The following ZNF254 variants were observed in gnomAD, a reference collection of about 807,000 sequenced individuals.
The protein encoded by ZNF254 is zinc finger protein 254.
A neutral mutation model predicts 12.4 loss-of-function variants in ZNF254; 10 were observed. The ratio of observed to expected loss-of-function variants is 0.80; its 90% CI spans 0.50 to 1.36. The LOEUF is 1.36. ZNF254 is among the 40% of genes most tolerant of loss of function. The probability of loss-of-function intolerance (pLI) is 0.00; values close to 1 mark genes in which losing one functional copy is unlikely to be tolerated. For synonymous variants in ZNF254, 305 were observed against 253.4 expected (o/e 1.20, Z -1.93); for missense variants, 996 against 763.9 (o/e 1.30, Z -3.58).
At chr19:24,126,071 A>G (rs1051558148) in intron 3 of ZNF254, among the ~76,000 whole-genome samples, 183 bp from the exon 4 acceptor site, 2 of 152,152 alleles carry the variant, frequency 1.3e-5, no homozygotes, top group East Asian at 3.9e-4. Context: ...TGAATTTTCC[A>G]CAGATGTATT....
intron 1 of ZNF254, among the ~76,000 whole-genome samples, chr19:24,040,668 C>T (rs1340103740): frequency 2.0e-5 from 3 of 152,178 alleles, no homozygotes; most frequent in Non-Finnish European, 4.4e-5. Context: ...TTTCCCAGCA[C>T]AGCACATTAC....
chr19:24,053,583 T>G (rs1256911204), intron 2 of ZNF254, among the ~76,000 whole-genome samples: 2 of 152,118 alleles, frequency 1.3e-5, no homozygotes, highest in African/African-American at 4.8e-5. Context: ...ATGACTTTCC[T>G]CTACTTCCTA....
intron 3 of ZNF254, among the ~76,000 whole-genome samples, chr19:24,108,620 G>T (rs999374644): frequency 2.6e-5 from 4 of 152,154 alleles, no homozygotes; most frequent in Admixed American, 1.3e-4. Flanking sequence ...GAACCATGAT[G>T]CCTGGTTCTC....
intron 2 of ZNF254, chr19:24,079,310 G>A (rs1022349355): frequency 5.9e-5 from 9 of 152,162 alleles, no homozygotes; most frequent in African/African-American, 2.2e-4. Flanking sequence ...CAGATGTGTT[G>A]GTCTTTTTTC....
intron 3 of ZNF254, among the ~76,000 whole-genome samples, chr19:24,124,108 C>T (rs978530841): frequency 7.3e-4 from 110 of 151,496 alleles, no homozygotes; most frequent in African/African-American, 2.5e-3. Flanking sequence ...TATTGATAGG[C>T]TTTGACTTAT....
In ZNF254 at chr19:24,121,396, GA is replaced by G. The variant is rs1396500066; in HGVS notation, c.254-4857del. On this transcript the variant is annotated intron_variant, in intron 3 of 3. Coordinates refer to ENST00000357002, the MANE Select transcript of ZNF254 (RefSeq NM_203282.4). ...TTCTAGCATATGCCACCATACATCTGATATTTGTGTTTTGATTTTTTAGTAT... is the reference window on the plus strand; with the variant it reads ...TTCTAGCATATGCCACCATACATCTGTATTTGTGTTTTGATTTTTTAGTAT... 3.3e-5 allele frequency among the ~76,000 whole-genome samples: 5 copies of G among 152,040 alleles called. No individual in the cohort carries two copies. In the East Asian group the frequency reaches 9.7e-4, roughly 29 times the overall value.
chr19:24,052,527 G>A (rs62114768), intron 2 of ZNF254, among the ~76,000 whole-genome samples: 22,455 of 152,066 alleles, frequency 0.15, 1,930 homozygotes, highest in Middle Eastern at 0.23. Context: ...GCAAATCACC[G>A]GTCTCAGCAA....
chr19:24,046,373 T>TTATATATATATATATA (rs34508258), intron 2 of ZNF254: 1,033 of 95,132 alleles, frequency 0.011, 17 homozygotes, highest in East Asian at 0.02. Flanking sequence ...TTATTATTTT[T>TTATATATATATATATA]TATATATATA....
chr19:24,045,914 A>T (rs1568424235), intron 1 of ZNF254, among the ~76,000 whole-genome samples: 1 of 151,916 alleles, frequency 6.6e-6, no homozygotes, highest in Admixed American at 6.6e-5. Context: ...GAAAAAAAAA[A>T]TTCTAAGTTT....
chr19:24,099,422 C>T (rs894180272), intron 1 of ZNF254, among the ~76,000 whole-genome samples: 8 of 151,978 alleles, frequency 5.3e-5, no homozygotes, highest in East Asian at 1.9e-4. Flanking sequence ...GCAGGTGGTA[C>T]GAAACAGAAG....
At chr19:24,086,933 G>C (rs573647563), upstream of ZNF254, among the ~76,000 whole-genome samples, 1 of 152,186 alleles carries the variant, frequency 6.6e-6, no homozygotes, top group Non-Finnish European at 1.5e-5. Flanking sequence ...GAAAAAGAGA[G>C]AGAGCAAAAA....
At chr19:24,065,775 C>A (rs971959514) in intron 2 of ZNF254, 2 of 152,200 alleles carry the variant, frequency 1.3e-5, no homozygotes, top group African/African-American at 4.8e-5. Context: ...TGTTATGACT[C>A]TCCCAAATGT....
intron 2 of ZNF254, among the ~76,000 whole-genome samples, chr19:24,053,571 A>T (rs62114770): frequency 0.16 from 24,213 of 151,942 alleles, 2,102 homozygotes; most frequent in Middle Eastern, 0.23. Context: ...TGCCCAGGTG[A>T]TATGACTTTC....
intron 2 of ZNF254, among the ~76,000 whole-genome samples, chr19:24,051,446 C>T (rs1970642743): frequency 6.6e-6 from 1 of 152,220 alleles, no homozygotes; most frequent in African/African-American, 2.4e-5. Flanking sequence ...AGGCATGGGC[C>T]ACCACACCTG....
At chr19:24,122,849 A>G (rs1296961741) in intron 3 of ZNF254, among the ~76,000 whole-genome samples, 1 of 144,336 alleles carries the variant, frequency 6.9e-6, no homozygotes, top group East Asian at 2.0e-4. Flanking sequence ...ATGACCATGT[A>G]TGTGAAAGTT....
At chr19:24,069,047 C>T (rs1027947871) in intron 2 of ZNF254, among the ~76,000 whole-genome samples, 7 of 152,000 alleles carry the variant, frequency 4.6e-5, no homozygotes, top group Non-Finnish European at 1.5e-5. Flanking sequence ...CACTTTGTCA[C>T]CCAGGCTAAA....
intron 3 of ZNF254, among the ~76,000 whole-genome samples, chr19:24,110,590 G>A (rs1973609838): frequency 6.6e-6 from 1 of 151,818 alleles, no homozygotes; most frequent in Admixed American, 6.6e-5. Flanking sequence ...GTATATTTCA[G>A]GCATGTTAAC....
At chr19:24,079,521 T>C (rs1038835555) in intron 2 of ZNF254, 2 of 152,132 alleles carry the variant, frequency 1.3e-5, no homozygotes, top group Non-Finnish European at 2.9e-5. Context: ...TGAGAGGAGG[T>C]GTCCCCTTTT....
chr19:24,126,484 G>T lies in ZNF254; in HGVS notation c.484G>T (p.Val162Phe). Reference protein sequence around the residue: ...KVFQCDKYLKVFYKFLNSNRP... With the variant: ...KVFQCDKYLKFFYKFLNSNRP... The stretch of plus-strand genomic sequence containing the variant: ...ATTTCAATGTGATAAATATTTGAAA[G>T]TCTTCTATAAATTTTTAAATTCAAA... The change falls in exon 4 of 4, where the codon GTC (valine) becomes TTC (phenylalanine). Residue 162 changes from valine (V) to phenylalanine (F), a missense_variant. Transcript: ENST00000357002. 6.3e-7 allele frequency: 1 copy of T among 1,587,478 alleles called. No homozygotes were observed. The highest frequency in any genetic ancestry group is 8.5e-7 in the Non-Finnish European group (1 of 1,171,644).
Sources: allele counts gnomAD v4.1 joint callset (sites outside exome capture counted in the v4.1 genomes callset), GRCh38; gene constraint gnomAD v4.1.1; transcripts MANE v1.5; gene names NCBI Gene and HGNC (gene_info 2026-07-23, HGNC 2026-07-21).